Variants in INSYN2B observed in about 807,000 individuals in gnomAD.
INSYN2B encodes protein INSYN2B.
Under a neutral mutation model 41.2 loss-of-function variants are expected in INSYN2B, and 16 were observed. That is an observed-to-expected ratio of 0.39 (90% CI 0.26 to 0.59). The LOEUF (loss-of-function observed/expected upper bound fraction) is 0.59, where lower values mean the gene tolerates loss of function less well. Ranked by LOEUF, INSYN2B falls within the 20% of genes least tolerant of loss-of-function variation. The pLI, the probability that INSYN2B is intolerant of heterozygous loss-of-function variation, is 0.57. For missense variants in INSYN2B, 608 were observed against 646.4 expected, an observed-to-expected ratio of 0.94 and a Z score of 0.64; for synonymous variants, 245 against 244.4, an observed-to-expected ratio of 1.00 and a Z score of -0.02.
chr5:169,937,905 C>T (rs1184527211), intron 1 of INSYN2B, among the ~76,000 whole-genome samples: 1 of 152,206 alleles, frequency 6.6e-6, no homozygotes, highest in Non-Finnish European at 1.5e-5. Flanking sequence ...CCTTTCCAGC[C>T]TCCCTTCTTT....
rs1771314070 is a variant in INSYN2B at position 169,863,204 on chromosome 5, A to G, written c.*1069T>C. 6.6e-6 allele frequency among the ~76,000 whole-genome samples: 1 copy of G among 152,182 alleles called. No homozygotes were observed. Among genetic ancestry groups the G allele is most frequent in the Non-Finnish European group, 1.5e-5 (1 of 68,026 alleles). On this transcript the variant is annotated 3_prime_UTR_variant, in exon 4 of 4. Transcript: ENST00000377365. ...GATATTTAAACCTCAAATAGAAAAA[A>G]CTATATCCTCATCCATAGTCCTGCT...
chr5:169,940,415 A>G (rs1776193013), intron 1 of INSYN2B, among the ~76,000 whole-genome samples: 1 of 152,256 alleles, frequency 6.6e-6, no homozygotes, highest in Admixed American at 6.5e-5. Flanking sequence ...TTCGTGGAAG[A>G]CAATTTTTCC....
intron 1 of INSYN2B, among the ~76,000 whole-genome samples, chr5:169,906,255 T>C (rs1346426731): frequency 6.6e-6 from 1 of 152,134 alleles, no homozygotes; most frequent in Non-Finnish European, 1.5e-5. Flanking sequence ...TAAGAGAGCC[T>C]CAGTTTCCTC....
chr5:169,949,259 T>C lies in INSYN2B; in HGVS notation c.-919+31018A>G, dbSNP rs549955050. On this transcript the variant is annotated intron_variant, in intron 1 of 3. Transcript: ENST00000377365. ...GAATGTGGTAGGGATCCATTGAAGA[T>C]ACAATCCTTGCCCTCCTGTTCTTTA... Among the ~76,000 whole-genome samples the C allele has an allele frequency of 2.0e-4, 30 of 152,344 alleles. No homozygotes were observed. The South Asian group carries it at 5.6e-3, about 28-fold the overall frequency.
chr5:169,927,295 G>T (rs1364284288), intron 1 of INSYN2B, among the ~76,000 whole-genome samples: 2 of 152,196 alleles, frequency 1.3e-5, no homozygotes, highest in Non-Finnish European at 2.9e-5. Flanking sequence ...GCCACAGTAA[G>T]GGGGTTGAGT....
chr5:169,906,485 C>T (rs261045), intron 1 of INSYN2B, among the ~76,000 whole-genome samples: 110,629 of 152,068 alleles, frequency 0.73, 40,692 homozygotes, highest in African/African-American at 0.82. Flanking sequence ...TATTTTGTTA[C>T]GTTATGTTAT....
At chr5:169,925,587 A>G (rs1775403087) in intron 1 of INSYN2B, among the ~76,000 whole-genome samples, 2 of 150,044 alleles carry the variant, frequency 1.3e-5, no homozygotes. Context: ...CTTAAAAAAA[A>G]AAAAAAAAAA....
At chr5:169,865,867 A>G (rs1378141675) in intron 3 of INSYN2B, among the ~76,000 whole-genome samples, 1 of 152,234 alleles carries the variant, frequency 6.6e-6, no homozygotes, top group African/African-American at 2.4e-5. Flanking sequence ...TTAAAGGGAC[A>G]TCTGCCCTTG....
intron 3 of INSYN2B, among the ~76,000 whole-genome samples, chr5:169,869,854 C>G (rs1032250295): frequency 2.6e-5 from 4 of 152,204 alleles, no homozygotes; most frequent in Non-Finnish European, 4.4e-5. Context: ...ACTCTCTGTA[C>G]CCTCCCATCC....
At chr5:169,967,052 G>A (rs560301079) in intron 1 of INSYN2B, among the ~76,000 whole-genome samples, 1 of 152,330 alleles carries the variant, frequency 6.6e-6, no homozygotes, top group East Asian at 1.9e-4. Context: ...CCTCCTATGT[G>A]CCAGGCACTG....
intron 1 of INSYN2B, among the ~76,000 whole-genome samples, chr5:169,947,272 A>T (rs1242216835): frequency 6.6e-6 from 1 of 152,248 alleles, no homozygotes; most frequent in Non-Finnish European, 1.5e-5. Context: ...ATGTATTAAC[A>T]AAATGTTCCA....
chr5:169,883,683 C>A lies in INSYN2B; in HGVS notation c.216G>T (p.Arg72Ser). The A allele has an allele frequency of 6.4e-7, 1 of 1,550,870 alleles. No homozygotes were observed. The highest frequency in any genetic ancestry group is 8.7e-7 in the Non-Finnish European group (1 of 1,146,554). ...GCGAGTAGGTGGGGGGAAGATGGTG[C>A]CTGGTTGCTTGAGTCTTCCCCATCA... is the stretch of plus-strand genomic sequence containing the variant. ...PAVMGKTQAT[R>S]HHLPPTYSLS... The change falls in exon 2 of 4, where the codon AGG (arginine) becomes AGT (serine). Residue 72 changes from arginine (R) to serine (S), a missense_variant. Physicochemically the swap from Arg to Ser is moderately radical, Grantham distance 110. Coordinates refer to ENST00000377365, the MANE Select transcript of INSYN2B (RefSeq NM_001129891.3).
intron 2 of INSYN2B, 31 bp downstream of exon 2, chr5:169,882,522 C>G: frequency 1.3e-6 from 2 of 1,506,160 alleles, no homozygotes; most frequent in Non-Finnish European, 1.8e-6. Flanking sequence ...TTCACCCAGT[C>G]ATTTTTAATA....
intron 1 of INSYN2B, among the ~76,000 whole-genome samples, chr5:169,965,933 CTG>C (rs1184051273): frequency 4.6e-5 from 7 of 152,210 alleles, no homozygotes; most frequent in African/African-American, 1.7e-4. Context: ...AGATTATCCA[CTG>C]GAAAAAGGCT....
chr5:169,971,474 A>G (rs1056744433), intron 1 of INSYN2B, among the ~76,000 whole-genome samples: 2 of 144,200 alleles, frequency 1.4e-5, no homozygotes, highest in African/African-American at 5.2e-5. Flanking sequence ...GGAATGCTCT[A>G]TCCAAAAGGG....
chr5:169,913,527 C>T (rs1044806193), intron 1 of INSYN2B, among the ~76,000 whole-genome samples: 1 of 152,042 alleles, frequency 6.6e-6, no homozygotes, highest in African/African-American at 2.4e-5. Flanking sequence ...TGTTTAAATG[C>T]ATTACTCAAA....
At chr5:169,965,644 T>G (rs531027912) in intron 1 of INSYN2B, among the ~76,000 whole-genome samples, 1 of 152,120 alleles carries the variant, frequency 6.6e-6, no homozygotes, top group Non-Finnish European at 1.5e-5. Context: ...CAGCAGAGTT[T>G]AGGAACCATG....
chr5:169,861,412 A>G lies in INSYN2B; in HGVS notation c.*2861T>C, dbSNP rs1771188269. 6.6e-6 allele frequency among the ~76,000 whole-genome samples: 1 copy of G among 152,248 alleles called. No individual in the cohort carries two copies. On this transcript the variant is annotated 3_prime_UTR_variant, in exon 4 of 4. Coordinates refer to ENST00000377365, the MANE Select transcript of INSYN2B (RefSeq NM_001129891.3). ...CATCGTCTTTAAGAAGGTGCTCTAT[A>G]GATGAGCTGGTATTAAGTTCCAAGG...
chr5:169,931,345 A>G (rs938938119), intron 1 of INSYN2B, among the ~76,000 whole-genome samples: 10 of 152,156 alleles, frequency 6.6e-5, no homozygotes, highest in Admixed American at 1.3e-4. Context: ...AAGAACACAA[A>G]CACCAGCGTC....
Sources: gnomAD v4.1 joint callset for allele counts (sites outside exome capture counted in the v4.1 genomes callset) on GRCh38, gnomAD v4.1.1 for gene constraint, MANE v1.5 for transcripts, NCBI Gene and HGNC (gene_info 2026-07-23, HGNC 2026-07-21) for gene names.